ADAMTS9: variants seen among roughly 807,000 people sequenced by gnomAD.
The protein encoded by ADAMTS9 is A disintegrin and metalloproteinase with thrombospondin motifs 9.
In ADAMTS9, 107 loss-of-function variants were observed where a neutral mutation model predicts 257.1. The observed-to-expected ratio is 0.42, with a 90% CI of 0.36 to 0.49. ADAMTS9 has a LOEUF of 0.49. Ranked by LOEUF, ADAMTS9 falls within the 20% of genes least tolerant of loss-of-function variation. The pLI is 0.03. For synonymous variants in ADAMTS9, 982 were observed against 880.9 expected (o/e 1.11, Z -2.03); for missense variants, 2,353 against 2,469.1 (o/e 0.95, Z 1.00).
intron 3 of ADAMTS9, among the ~76,000 whole-genome samples, chr3:64,659,885 AATGCAG>A (rs1417717491): frequency 6.6e-6 from 1 of 152,118 alleles, no homozygotes; most frequent in African/African-American, 2.4e-5. Flanking sequence ...AGCTTGTTAA[AATGCAG>A]ATTCTTTGGC....
At chr3:64,596,188 A>T (rs2084361096) in intron 27 of ADAMTS9, among the ~76,000 whole-genome samples, 1 of 152,190 alleles carries the variant, frequency 6.6e-6, no homozygotes, top group Admixed American at 6.5e-5. Context: ...TTTGGCAAAG[A>T]TACTACATTA....
intron 3 of ADAMTS9, among the ~76,000 whole-genome samples, chr3:64,662,463 G>T (rs552352836): frequency 8.2e-4 from 125 of 152,112 alleles, no homozygotes; most frequent in Non-Finnish European, 1.5e-3. Context: ...TCAATCTTCT[G>T]CCTGGCTGCT....
intron 39 of ADAMTS9, among the ~76,000 whole-genome samples, chr3:64,518,111 T>C (rs80199128): frequency 0.015 from 2,260 of 152,262 alleles, 46 homozygotes; most frequent in African/African-American, 0.052. Flanking sequence ...CCCAGGACCA[T>C]GGTGTAGGGG....
intron 30 of ADAMTS9, among the ~76,000 whole-genome samples, chr3:64,560,713 G>A (rs982901672): frequency 3.9e-5 from 6 of 152,192 alleles, no homozygotes; most frequent in Non-Finnish European, 5.9e-5. Flanking sequence ...CAGGGGTACA[G>A]TCTAACTGTT....
chr3:64,530,699 A>C (rs933326172), intron 38 of ADAMTS9, among the ~76,000 whole-genome samples: 2 of 152,140 alleles, frequency 1.3e-5, no homozygotes, highest in Non-Finnish European at 2.9e-5. Context: ...GGTAGTAACT[A>C]TCTAACGAAT....
At chr3:64,530,992 T>C (rs2082973926) in intron 38 of ADAMTS9, among the ~76,000 whole-genome samples, 1 of 152,182 alleles carries the variant, frequency 6.6e-6, no homozygotes, top group South Asian at 2.1e-4. Flanking sequence ...ACATTATAAT[T>C]TCGGGGCACA....
At chr3:64,657,442 T>G (rs1161439340) in intron 4 of ADAMTS9, among the ~76,000 whole-genome samples, 1 of 151,966 alleles carries the variant, frequency 6.6e-6, no homozygotes, top group Non-Finnish European at 1.5e-5. Flanking sequence ...GCTCAAGAGA[T>G]TCTCTCACCT....
chr3:64,576,842 G>A (rs905261532), intron 28 of ADAMTS9, among the ~76,000 whole-genome samples: 3 of 152,152 alleles, frequency 2.0e-5, no homozygotes, highest in Non-Finnish European at 2.9e-5. Context: ...CTGTCAATAT[G>A]AGAACCAAGT....
At chr3:64,629,367 T>G (rs1700309264) in intron 16 of ADAMTS9, among the ~76,000 whole-genome samples, 1 of 152,180 alleles carries the variant, frequency 6.6e-6, no homozygotes, top group Non-Finnish European at 1.5e-5. Flanking sequence ...CCAAAGTTCT[T>G]AAAATGGTTA....
At chr3:64,670,285 A>G (rs1215167438) in intron 3 of ADAMTS9, among the ~76,000 whole-genome samples, 1 of 152,220 alleles carries the variant, frequency 6.6e-6, no homozygotes, top group Non-Finnish European at 1.5e-5. Context: ...AAGACAACAC[A>G]TTCCCATCAA....
intron 37 of ADAMTS9, 132 bp from the exon 38 acceptor site, chr3:64,533,402 A>G (rs2106894208): frequency 1.4e-6 from 1 of 691,616 alleles, no homozygotes; most frequent in Admixed American, 2.6e-5. Flanking sequence ...GCTACTAATT[A>G]TTGATAGTAT....
rs1394071258 is a variant in ADAMTS9 at position 64,672,410 on chromosome 3, TG to T, written c.679+8790del. 4.6e-5 allele frequency among the ~76,000 whole-genome samples: 7 copies of T among 152,170 alleles called. No individual in the cohort carries two copies. In the East Asian group the frequency reaches 5.8e-4, roughly 13 times the overall value. On this transcript the variant is annotated intron_variant, in intron 3 of 39. Coordinates refer to ENST00000498707, the MANE Select transcript of ADAMTS9 (RefSeq NM_182920.2). Reference sequence around the variant, plus strand: ...ATTAAAAAGTTTTAGGGGCCAAGTGTGGTGGCTCATGCCTGTAATCCCAGCA... The same window carrying T: ...ATTAAAAAGTTTTAGGGGCCAAGTGTGTGGCTCATGCCTGTAATCCCAGCA...
Position 64,658,570 on chromosome 3 carries a change from C to T in ADAMTS9, c.901G>A (p.Ala301Thr). 6.2e-7 allele frequency: 1 copy of T among 1,614,160 alleles called. No individual in the cohort carries two copies. The highest frequency in any genetic ancestry group is 8.5e-7 in the Non-Finnish European group (1 of 1,180,038). The change falls in exon 4 of 40, where the codon GCA becomes ACA. Residue 301 changes from alanine (A) to threonine (T), a missense_variant. Physicochemically the swap from Ala to Thr is moderately conservative, Grantham distance 58. This residue lies in a region of ADAMTS9 where 591 missense variants were observed against 569.6 expected (regional missense o/e 1.04). Transcript: ENST00000498707. The part of the protein sequence containing the change: ...YPRFVEVLVV[A>T]DNRMVSYHGE... ...TGGTATGAAACCATTCTGTTGTCTG[C>T]CACCACCAAGACTTCTACAAACCGT...
Position 64,622,401 on chromosome 3 carries a change from C to T in ADAMTS9, c.2556+19G>A, listed in dbSNP as rs202208298. The T allele has an allele frequency of 7.7e-5, 125 of 1,613,418 alleles. No homozygotes were observed. The East Asian group carries it at 2.0e-3, about 26-fold the overall frequency. On this transcript the variant is annotated intron_variant, in intron 17 of 39. Transcript: ENST00000498707. ...CCAAGCAGAAGAAAAGGGTGGTGGG[C>T]TCATGGTCAAGTTTTTACCTGAAGC...
At chr3:64,621,277 T>C (rs763283743) in intron 18 of ADAMTS9, 37 bp from the exon 19 acceptor site, 11 of 1,586,426 alleles carry the variant, frequency 6.9e-6, no homozygotes, top group Non-Finnish European at 9.4e-6. Context: ...TCAGGGAAAA[T>C]AATCTATTCC....
intron 10 of ADAMTS9, 108 bp from the exon 11 acceptor site, chr3:64,648,152 G>T (rs1386835028): frequency 1.0e-6 from 1 of 958,700 alleles, no homozygotes; most frequent in Non-Finnish European, 1.6e-6. Context: ...CATAGGGTAA[G>T]TGGGGAAGGA....
chr3:64,660,941 A>G (rs1701206048), intron 3 of ADAMTS9, among the ~76,000 whole-genome samples: 1 of 152,236 alleles, frequency 6.6e-6, no homozygotes, highest in Non-Finnish European at 1.5e-5. Flanking sequence ...TCAAACTGCA[A>G]AAGTTACGGA....
intron 28 of ADAMTS9, among the ~76,000 whole-genome samples, chr3:64,591,110 G>C (rs1292243530): frequency 6.6e-6 from 1 of 152,158 alleles, no homozygotes; most frequent in African/African-American, 2.4e-5. Context: ...TCCTGGGACT[G>C]ACTGCAGGAG....
At chr3:64,557,509 T>C (rs931587705) in intron 30 of ADAMTS9, among the ~76,000 whole-genome samples, 4 of 152,114 alleles carry the variant, frequency 2.6e-5, no homozygotes, top group Non-Finnish European at 5.9e-5. Context: ...CGAGGACAAA[T>C]TACTCACCTG....
Sources: allele counts gnomAD v4.1 joint callset (sites outside exome capture counted in the v4.1 genomes callset), GRCh38; gene constraint gnomAD v4.1.1; regional missense constraint gnomAD v4.1.1; transcripts MANE v1.5; gene names NCBI Gene and HGNC (gene_info 2026-07-23, HGNC 2026-07-21).